Variants in DNAI2 observed in about 807,000 individuals in gnomAD.
DNAI2 encodes dynein axonemal intermediate chain 2, also known as dynein, axonemal, intermediate polypeptide 2.
Under a neutral mutation model 74.7 loss-of-function variants are expected in DNAI2, and 63 were observed. That is an observed-to-expected ratio of 0.84 (90% CI 0.69 to 1.04). The LOEUF (loss-of-function observed/expected upper bound fraction) is 1.04, where lower values mean the gene tolerates loss of function less well. DNAI2 is among the 50% of genes least tolerant of loss of function. The probability of loss-of-function intolerance (pLI) is 0.00; values close to 1 mark genes in which losing one functional copy is unlikely to be tolerated. For missense variants in DNAI2, 688 were observed against 803.2 expected, an observed-to-expected ratio of 0.86 and a Z score of 1.73; for synonymous variants, 289 against 314.9, an observed-to-expected ratio of 0.92 and a Z score of 0.87.
At chr17:74,288,705 A>G (rs1022151015) in intron 4 of DNAI2, among the ~76,000 whole-genome samples, 1 of 152,172 alleles carries the variant, frequency 6.6e-6, no homozygotes, top group African/African-American at 2.4e-5. Context: ...CCTGGGGAAG[A>G]AGGACTCCTC....
At chr17:74,290,956 A>T (rs935675378) in intron 5 of DNAI2, 64 bp from the exon 6 acceptor site, 1 of 1,455,700 alleles carries the variant, frequency 6.9e-7, no homozygotes, top group Non-Finnish European at 9.7e-7. Context: ...AGAAGGGGTG[A>T]AACTGGTTGA....
At chr17:74,276,915 G>A (rs2051114697) in intron 1 of DNAI2, among the ~76,000 whole-genome samples, 2 of 152,202 alleles carry the variant, frequency 1.3e-5, no homozygotes, top group Non-Finnish European at 2.9e-5. Context: ...GCTTCACACT[G>A]TGTTGGCAAA....
In DNAI2 at chr17:74,314,287, C is replaced by A; in HGVS notation, c.*55+16C>A. Reference sequence around the variant, plus strand: ...CCACCTCTTGGTATTGCCCCGCTCTCACAAGTGGGAGGCTGAGCTCCGCCT... The same window carrying A: ...CCACCTCTTGGTATTGCCCCGCTCTAACAAGTGGGAGGCTGAGCTCCGCCT... On this transcript the variant is annotated intron_variant, in intron 13 of 13. Coordinates refer to ENST00000311014, the MANE Select transcript of DNAI2 (RefSeq NM_023036.6). 6.2e-7 allele frequency: 1 copy of A among 1,608,240 alleles called. No individual in the cohort carries two copies. Among genetic ancestry groups the A allele is most frequent in the South Asian group, 1.1e-5 (1 of 90,658 alleles).
chr17:74,275,320 G>A (rs1340122161), intron 1 of DNAI2, among the ~76,000 whole-genome samples: 1 of 152,178 alleles, frequency 6.6e-6, no homozygotes, highest in African/African-American at 2.4e-5. Flanking sequence ...GCCATGCTTA[G>A]TGCTATCCTG....
intron 1 of DNAI2, among the ~76,000 whole-genome samples, chr17:74,278,394 C>T (rs1489566244): frequency 6.6e-6 from 1 of 152,204 alleles, no homozygotes; most frequent in African/African-American, 2.4e-5. Flanking sequence ...CATGCCACTG[C>T]ACTCCAGCCT....
intron 10 of DNAI2, 82 bp from the exon 11 acceptor site, chr17:74,309,935 G>A: frequency 6.3e-7 from 1 of 1,592,160 alleles, no homozygotes; most frequent in Non-Finnish European, 8.6e-7. Context: ...AAGTGGCTGA[G>A]CCTCCCCAGG....
intron 6 of DNAI2, among the ~76,000 whole-genome samples, chr17:74,298,404 G>A (rs577952653): frequency 6.6e-6 from 1 of 152,138 alleles, no homozygotes; most frequent in Non-Finnish European, 1.5e-5. Flanking sequence ...TCCCAGGTGC[G>A]AGTGATTCTC....
At chr17:74,312,834 C>T (rs2053615988) in intron 12 of DNAI2, among the ~76,000 whole-genome samples, 1 of 152,188 alleles carries the variant, frequency 6.6e-6, no homozygotes, top group African/African-American at 2.4e-5. Flanking sequence ...TCCAGGCCCT[C>T]TTTTGTACCA....
intron 6 of DNAI2, 47 bp downstream of exon 6, chr17:74,291,180 G>A (rs1186615213): frequency 6.7e-7 from 1 of 1,485,864 alleles, no homozygotes; most frequent in Non-Finnish European, 9.3e-7. Context: ...ATTTTTTTTA[G>A]ATGGAATTTT....
intron 6 of DNAI2, among the ~76,000 whole-genome samples, chr17:74,296,659 A>C (rs1170134573): frequency 3.3e-5 from 5 of 152,222 alleles, no homozygotes; most frequent in Admixed American, 3.3e-4. Context: ...AGGCTGAACC[A>C]AGTCAATTAC....
chr17:74,299,616 C>A (rs1010871293), intron 6 of DNAI2, 102 bp from the exon 7 acceptor site: 26 of 1,512,834 alleles, frequency 1.7e-5, no homozygotes, highest in Non-Finnish European at 2.3e-5. Context: ...AACCACATAC[C>A]TGCCAAACCA....
chr17:74,286,849 A>G, intron 3 of DNAI2, 128 bp from the exon 4 acceptor site: 1 of 1,235,424 alleles, frequency 8.1e-7, no homozygotes, highest in Non-Finnish European at 1.2e-6. Flanking sequence ...CCTCCATTGA[A>G]AGCACATGGT....
At position 74,301,171 on chromosome 17, in the gene DNAI2, G is replaced by T. The variant is rs1478950080; in HGVS notation, c.987+3G>T. On this transcript the variant is annotated splice_donor_region_variant and intron_variant, in intron 8 of 13. Transcript: ENST00000311014. The stretch of plus-strand genomic sequence containing the variant: ...CCCTGGAGTTCGAATCTACTTTGGT[G>T]AGTGTCCCTTGCTGTCCCTTCCCCG... The T allele has an allele frequency of 6.2e-7, 1 of 1,613,602 alleles. No individual in the cohort carries two copies. The highest frequency in any genetic ancestry group is 8.5e-7 in the Non-Finnish European group (1 of 1,179,676).
At position 74,281,851 on chromosome 17, in the gene DNAI2, A is replaced by G; in HGVS notation, c.34A>G (p.Ser12Gly). 6.2e-7 allele frequency: 1 copy of G among 1,614,116 alleles called. No homozygotes were observed. The highest frequency in any genetic ancestry group is 1.1e-5 in the South Asian group (1 of 91,088). Residue 12 changes from serine to glycine, a missense_variant, in exon 2 of 14, where the codon AGC becomes GGC. Transcript: ENST00000311014. ...TGTGTACGTGTACGTCAAGAAGCGCAGCGAGTTCGGGAAGCAGTGCAATTT... is the reference window on the plus strand; with the variant it reads ...TGTGTACGTGTACGTCAAGAAGCGCGGCGAGTTCGGGAAGCAGTGCAATTT... ...EIVYVYVKKR[S>G]EFGKQCNFSD... is the part of the protein sequence containing the mutation.
At chr17:74,284,849 C>T (rs1193217984) in intron 2 of DNAI2, among the ~76,000 whole-genome samples, 191 bp from the exon 3 acceptor site, 2 of 152,224 alleles carry the variant, frequency 1.3e-5, no homozygotes, top group Non-Finnish European at 2.9e-5. Flanking sequence ...CACAGGGTTG[C>T]GCTGTTGCAG....
intron 6 of DNAI2, among the ~76,000 whole-genome samples, chr17:74,299,086 A>G (rs1346223770): frequency 1.2e-4 from 18 of 152,188 alleles, no homozygotes; most frequent in Admixed American, 1.1e-3. Flanking sequence ...GTGAGCCCTC[A>G]TTGTGCATTC....
At chr17:74,275,816 G>C in intron 1 of DNAI2, among the ~76,000 whole-genome samples, 1 of 152,098 alleles carries the variant, frequency 6.6e-6, no homozygotes, top group South Asian at 2.1e-4. Flanking sequence ...CTTGAACTTG[G>C]GAGGCAGAGG....
Position 74,300,887 on chromosome 17 carries a change from C to G in DNAI2, c.865-159C>G, listed in dbSNP as rs2052721531. On this transcript the variant is annotated intron_variant, in intron 7 of 13. Coordinates refer to ENST00000311014, the MANE Select transcript of DNAI2 (RefSeq NM_023036.6). The surrounding 1 kb of genome is among the most constrained non-coding windows in gnomAD (Gnocchi z 4.5). ...CCAGGTGTGGGAACTGTGGACAGAA[C>G]AGCAATCCTCAAAGTGTATTTGCTC... is the stretch of plus-strand genomic sequence containing the variant. Among the ~76,000 whole-genome samples the G allele has an allele frequency of 2.0e-5, 3 of 151,912 alleles. No homozygotes were observed. The highest frequency in any genetic ancestry group is 2.0e-4 in the Admixed American group (3 of 15,254).
At chr17:74,306,439 G>A (rs2053196804) in intron 9 of DNAI2, among the ~76,000 whole-genome samples, 1 of 151,890 alleles carries the variant, frequency 6.6e-6, no homozygotes, top group East Asian at 1.9e-4. Flanking sequence ...ATTGTGCATT[G>A]CATGTATAAA....
Sources: allele counts gnomAD v4.1 joint callset (sites outside exome capture counted in the v4.1 genomes callset), GRCh38; gene constraint gnomAD v4.1.1; non-coding constraint Gnocchi (gnomAD v3.1); transcripts MANE v1.5; gene names NCBI Gene and HGNC (gene_info 2026-07-23, HGNC 2026-07-21).